The following FRMPD4 variants were observed in gnomAD, a reference collection of about 807,000 sequenced individuals.
FRMPD4 encodes the protein FERM and PDZ domain-containing protein 4.
A neutral mutation model predicts 94.1 loss-of-function variants in FRMPD4; 22 were observed. The observed-to-expected ratio is 0.23, with a 90% CI of 0.17 to 0.33. The LOEUF (loss-of-function observed/expected upper bound fraction) is 0.33, where lower values mean the gene tolerates loss of function less well. Ranked by LOEUF, FRMPD4 falls within the 10% of genes least tolerant of loss-of-function variation. The probability of loss-of-function intolerance (pLI) is 1.00; values close to 1 mark genes in which losing one functional copy is unlikely to be tolerated. For synonymous variants in FRMPD4, 631 were observed against 548.6 expected (o/e 1.15, Z -2.10); for missense variants, 1,111 against 1,339.9 (o/e 0.83, Z 2.67).
chrX:12,024,523 A>C (rs1053128594), intron 3 of FRMPD4, among the ~76,000 whole-genome samples: 1 of 112,136 alleles, frequency 8.9e-6, no homozygotes, highest in Non-Finnish European at 1.9e-5. Flanking sequence ...CATTTTAAGC[A>C]TATAGACAGA....
intron 4 of FRMPD4, among the ~76,000 whole-genome samples, chrX:12,650,266 G>A (rs1481219325): frequency 2.7e-5 from 3 of 112,026 alleles, no homozygotes; most frequent in Non-Finnish European, 3.8e-5. Context: ...GATGCAAACA[G>A]ACAGCAGGAG....
intron 16 of FRMPD4, among the ~76,000 whole-genome samples, chrX:12,720,085 AAAG>A (rs1458472017): frequency 9.1e-6 from 1 of 109,692 alleles, no homozygotes; most frequent in African/African-American, 3.3e-5. Flanking sequence ...AAAGAAAGAG[AAAG>A]AAAGAAAGGA....
chrX:12,174,038 C>T (rs1159513235), intron 1 of FRMPD4, among the ~76,000 whole-genome samples: 1 of 111,490 alleles, frequency 9.0e-6, no homozygotes, highest in Non-Finnish European at 1.9e-5. Flanking sequence ...AGAGACTTCT[C>T]CAGCTTTAGA....
chrX:12,376,169 TAGG>T (rs1289484992), intron 1 of FRMPD4, among the ~76,000 whole-genome samples: 1 of 112,149 alleles, frequency 8.9e-6, no homozygotes, highest in Non-Finnish European at 1.9e-5. Flanking sequence ...CATCTTGTAT[TAGG>T]AGTTTTTGAA....
In FRMPD4 at chrX:12,424,277, G is replaced by A. The variant is rs148793248; in HGVS notation, c.42-74403G>A. Among the ~76,000 whole-genome samples, 13 of 112,417 alleles carry A rather than the reference G, an allele frequency of 1.2e-4. No individual in the cohort carries two copies. The East Asian group carries it at 3.6e-3, about 31-fold the overall frequency. ...GACACCCTTCCTTTGAAGAACATCTGCAATGAAGGCTTTACTTAGTCACTG... is the reference window on the plus strand; with the variant it reads ...GACACCCTTCCTTTGAAGAACATCTACAATGAAGGCTTTACTTAGTCACTG... On this transcript the variant is annotated intron_variant, in intron 1 of 16. Transcript: ENST00000675598.
intron 1 of FRMPD4, among the ~76,000 whole-genome samples, chrX:12,159,401 GTC>G (rs1256917731): frequency 4.5e-5 from 5 of 112,101 alleles, no homozygotes. Flanking sequence ...TAGCTCATCA[GTC>G]TCTGCCACAG....
At chrX:11,947,153 C>T (rs1418336205) in intron 3 of FRMPD4, among the ~76,000 whole-genome samples, 1 of 111,975 alleles carries the variant, frequency 8.9e-6, no homozygotes, top group African/African-American at 3.2e-5. Flanking sequence ...ATTTTTGTTA[C>T]TGAAGCCTAA....
At chrX:12,682,466 A>G (rs1156620782) in intron 5 of FRMPD4, among the ~76,000 whole-genome samples, 1 of 112,593 alleles carries the variant, frequency 8.9e-6, no homozygotes, top group African/African-American at 3.2e-5. Context: ...GGCAATTGCC[A>G]ATATTTGACC....
chrX:12,035,017 C>A (rs1172859812), intron 3 of FRMPD4, among the ~76,000 whole-genome samples: 1 of 111,993 alleles, frequency 8.9e-6, no homozygotes, highest in Non-Finnish European at 1.9e-5. Flanking sequence ...GTCTCTTGAA[C>A]AGTTTATGCC....
At chrX:12,229,353 A>G (rs1470845817) in intron 1 of FRMPD4, among the ~76,000 whole-genome samples, 1 of 111,975 alleles carries the variant, frequency 8.9e-6, no homozygotes, top group Non-Finnish European at 1.9e-5. Flanking sequence ...TCTTTTGCAG[A>G]GAGGAATATA....
intron 1 of FRMPD4, among the ~76,000 whole-genome samples, chrX:12,347,485 C>G (rs5935305): frequency 0.17 from 18,474 of 110,638 alleles, 1,222 homozygotes; most frequent in Non-Finnish European, 0.21. Context: ...TTTTTCCCAC[C>G]TTGGCCCCCC....
chrX:12,710,452 G>C lies in FRMPD4; in HGVS notation c.1524G>C (p.Thr508=). 1 of 1,199,770 alleles carries C rather than the reference G, an allele frequency of 8.3e-7. No homozygotes were observed. The highest frequency in any genetic ancestry group is 1.1e-6 in the Non-Finnish European group (1 of 884,965). ...ATGCCATGAACCTGGCCTGCTTGAC[G>C]GCTGGATACTACCGGCTGCTTGTTG... ...SSDAMNLACL[T]AGYYRLLVDS... The change falls in exon 14 of 17, where the codon ACG becomes ACC. Residue 508 remains threonine (T), a synonymous_variant. Coordinates refer to ENST00000675598, the MANE Select transcript of FRMPD4 (RefSeq NM_001368397.1).
At chrX:12,012,676 A>G (rs1284961824) in intron 3 of FRMPD4, among the ~76,000 whole-genome samples, 3 of 112,479 alleles carry the variant, frequency 2.7e-5, no homozygotes, top group Non-Finnish European at 5.6e-5. Context: ...ATTGCTAAAG[A>G]ATCAATGCAA....
intron 1 of FRMPD4, among the ~76,000 whole-genome samples, chrX:11,853,105 T>C (rs992334376): frequency 8.9e-6 from 1 of 111,923 alleles, no homozygotes; most frequent in Non-Finnish European, 1.9e-5. Flanking sequence ...CTCAAAACCA[T>C]ACATTTACAT....
At chrX:12,300,987 C>T (rs765238282) in intron 1 of FRMPD4, among the ~76,000 whole-genome samples, 4 of 112,200 alleles carry the variant, frequency 3.6e-5, no homozygotes, top group African/African-American at 9.7e-5. Context: ...CCTGCCCCTT[C>T]TTCTGTATTT....
chrX:11,909,550 AT>A (rs755601786), intron 3 of FRMPD4, among the ~76,000 whole-genome samples: 218 of 105,329 alleles, frequency 2.1e-3, no homozygotes, highest in African/African-American at 7.3e-3. Flanking sequence ...CTCTTTATTC[AT>A]TTTTTTTCCT....
intron 3 of FRMPD4, among the ~76,000 whole-genome samples, chrX:12,078,038 CAG>C (rs2055034207): frequency 1.8e-5 from 2 of 111,665 alleles, no homozygotes; most frequent in Non-Finnish European, 3.8e-5. Context: ...CACCTGTAGC[CAG>C]ACTGGAGAAA....
intron 1 of FRMPD4, among the ~76,000 whole-genome samples, chrX:12,210,324 G>A (rs1488284527): frequency 1.8e-5 from 2 of 111,331 alleles, no homozygotes; most frequent in African/African-American, 6.5e-5. Flanking sequence ...AATTAGAGTG[G>A]GAAAGAACAC....
intron 1 of FRMPD4, among the ~76,000 whole-genome samples, chrX:12,261,453 G>A (rs2054187573): frequency 9.0e-6 from 1 of 111,131 alleles, no homozygotes; most frequent in African/African-American, 3.3e-5. Context: ...TGTTCTCAGT[G>A]TATCTAACCT....
Sources: allele counts gnomAD v4.1 joint callset (sites outside exome capture counted in the v4.1 genomes callset), GRCh38; gene constraint gnomAD v4.1.1; transcripts MANE v1.5; gene names NCBI Gene and HGNC (gene_info 2026-07-23, HGNC 2026-07-21).